The following LPA variants were observed in gnomAD, a reference collection of about 807,000 sequenced individuals.
The protein encoded by LPA is apolipoprotein(a).
Under a neutral mutation model 197.9 loss-of-function variants are expected in LPA, and 199 were observed. That is an observed-to-expected ratio of 1.01 (90% CI 0.90 to 1.13). The LOEUF (loss-of-function observed/expected upper bound fraction) is 1.13, where lower values mean the gene tolerates loss of function less well. Among genes scored for constraint, LPA ranks in the 50% most tolerant of loss-of-function variants. LPA has a pLI of 0.00. For synonymous variants in LPA, 715 were observed against 639.5 expected (o/e 1.12, Z -1.78); for missense variants, 1,853 against 1,785.8 (o/e 1.04, Z -0.68).
rs554367833 is a variant in LPA at position 160,634,815 on chromosome 6, C to T, written c.1075+308G>A. 6.0e-5 allele frequency among the ~76,000 whole-genome samples: 9 copies of T among 150,298 alleles called. 1 individual carries two copies. The highest frequency in any genetic ancestry group is 1.0e-4 in the Non-Finnish European group (7 of 68,034). ...TACTGCGACAGAAAGAATCACACAC[C>T]TGACAGCACGTTACAATAAAAATTT... On this transcript the variant is annotated intron_variant, in intron 7 of 38. Coordinates refer to ENST00000316300, the MANE Select transcript of LPA (RefSeq NM_005577.4).
At chr6:160,608,616 A>G (rs1779411723) in intron 16 of LPA, among the ~76,000 whole-genome samples, 1 of 152,088 alleles carries the variant, frequency 6.6e-6, no homozygotes, top group Non-Finnish European at 1.5e-5. Context: ...TATTTGATGC[A>G]TTGAATTTCG....
intron 34 of LPA, among the ~76,000 whole-genome samples, chr6:160,541,922 C>T (rs557690578): frequency 2.0e-5 from 3 of 152,136 alleles, no homozygotes; most frequent in African/African-American, 2.4e-5. Flanking sequence ...GAGTGAAATG[C>T]GATGCGATCA....
At chr6:160,647,035 A>C (rs1242917243) in intron 2 of LPA, among the ~76,000 whole-genome samples, 1 of 152,158 alleles carries the variant, frequency 6.6e-6, no homozygotes, top group Non-Finnish European at 1.5e-5. Flanking sequence ...TGTTTCTGCA[A>C]GACTTCTCAA....
chr6:160,626,247 T>C (rs1489590646), intron 10 of LPA, among the ~76,000 whole-genome samples: 1 of 139,414 alleles, frequency 7.2e-6, no homozygotes, highest in Admixed American at 6.8e-5. Flanking sequence ...CCATCCTTGA[T>C]TCTGGTATTT....
intron 8 of LPA, among the ~76,000 whole-genome samples, chr6:160,631,991 AGT>A (rs1554240938): frequency 8.2e-4 from 108 of 130,992 alleles, no homozygotes; most frequent in Non-Finnish European, 1.3e-3. Context: ...GTGTGTTTTC[AGT>A]GTGTGTGTGT....
intron 33 of LPA, among the ~76,000 whole-genome samples, chr6:160,544,726 G>A (rs1583568487): frequency 6.6e-6 from 1 of 152,310 alleles, no homozygotes; most frequent in East Asian, 1.9e-4. Context: ...CAGACAAGTT[G>A]ATTGGTCAGC....
Position 160,585,220 on chromosome 6 carries a change from G to A in LPA, c.4130-15C>T, listed in dbSNP as rs1168954772. The A allele has an allele frequency of 7.4e-6, 12 of 1,613,352 alleles. No individual in the cohort carries two copies. In the East Asian group the frequency reaches 2.5e-4, roughly 33 times the overall value. ...TTCAGTTGGTGCTGAAATTAAAAGAGAAAATCAAGCTCAGTATTGCCTAGA... is the reference window on the plus strand; with the variant it reads ...TTCAGTTGGTGCTGAAATTAAAAGAAAAAATCAAGCTCAGTATTGCCTAGA... On this transcript the variant is annotated splice_polypyrimidine_tract_variant and intron_variant, in intron 25 of 38. Transcript: ENST00000316300.
chr6:160,646,587 A>G (rs1384979475), intron 2 of LPA, among the ~76,000 whole-genome samples, 192 bp from the exon 3 acceptor site: 7 of 63,424 alleles, frequency 1.1e-4, no homozygotes, highest in African/African-American at 4.5e-4. Flanking sequence ...CTCATACTTA[A>G]TAGATTATTA....
rs142219342 is a variant in LPA at position 160,598,175 on chromosome 6, G to C, written c.3287+1325C>G. On this transcript the variant is annotated intron_variant, in intron 20 of 38. Coordinates refer to ENST00000316300, the MANE Select transcript of LPA (RefSeq NM_005577.4). ...CTCTGTCACCTTTATTAAGCTCACT[G>C]TTCCCTTGTAGTTGTTGTTCCTCAA... Among the ~76,000 whole-genome samples, 1,159 of 152,256 alleles carry C rather than the reference G, an allele frequency of 7.6e-3. 10 individuals are homozygous for C. Among genetic ancestry groups the C allele is most frequent in the Middle Eastern group, 0.051 (15 of 294 alleles).
At chr6:160,568,571 T>C (rs1446256363) in intron 28 of LPA, among the ~76,000 whole-genome samples, 2 of 152,174 alleles carry the variant, frequency 1.3e-5, no homozygotes, top group Non-Finnish European at 2.9e-5. Flanking sequence ...CTTTGAAAAC[T>C]GGCACAAGAC....
intron 37 of LPA, among the ~76,000 whole-genome samples, chr6:160,533,523 A>G (rs1192867956): frequency 2.6e-5 from 4 of 152,062 alleles, no homozygotes; most frequent in Non-Finnish European, 5.9e-5. Flanking sequence ...CTTGCTTCCA[A>G]CCTTCCACAT....
rs1264430786 is a variant in LPA at position 160,595,522 on chromosome 6, T to A, written c.3301A>T (p.Asn1101Tyr). The change falls in exon 21 of 39, where the codon AAC becomes TAC. Residue 1101 changes from asparagine to tyrosine, a missense_variant. By Grantham distance (143) the Asn-to-Tyr change is moderately radical (BLOSUM62 -2). Transcript: ENST00000316300. Reference sequence around the variant, plus strand: ...TCAGCATCTGGATTCCTGCAGTAGTTCCTGGTCAGGCCACTGCAAATTTCA... The same window carrying A: ...TCAGCATCTGGATTCCTGCAGTAGTACCTGGTCAGGCCACTGCAAATTTCA... ...ENYPNAGLTR[N>Y]YCRNPDAEIR... 6.2e-7 allele frequency: 1 copy of A among 1,613,970 alleles called. No individual in the cohort carries two copies.
chr6:160,546,194 C>T lies in LPA; in HGVS notation c.5305-661G>A, dbSNP rs143499186. Among the ~76,000 whole-genome samples, 6 of 152,252 alleles carry T rather than the reference C, an allele frequency of 3.9e-5. No individual in the cohort carries two copies. The East Asian group carries it at 1.2e-3, about 30-fold the overall frequency. On this transcript the variant is annotated intron_variant, in intron 32 of 38. Transcript: ENST00000316300. ...CTTGAGGGTTGGAACTGTTCAGCCCCACCCTCCAACCTCCAGGGAGGGAAG... is the reference window on the plus strand; with the variant it reads ...CTTGAGGGTTGGAACTGTTCAGCCCTACCCTCCAACCTCCAGGGAGGGAAG...
rs2115059381 is a variant in LPA at position 160,605,178 on chromosome 6, T to A, written c.2813A>T (p.Gln938Leu). ...CTGTCCATTTCCGTGGTAGCACTCCTGCACCCCAGGCCTTTGCTCAGTTGG... is the reference window on the plus strand; with the variant it reads ...CTGTCCATTTCCGTGGTAGCACTCCAGCACCCCAGGCCTTTGCTCAGTTGG... ...QAPTEQRPGVQECYHGNGQSY... is the reference protein window; with the variant it reads ...QAPTEQRPGVLECYHGNGQSY... Residue 938 changes from glutamine (Q) to leucine (L), a missense_variant, in exon 18 of 39, where the codon CAG (glutamine) becomes CTG (leucine). Transcript: ENST00000316300. 3.7e-6 allele frequency: 6 copies of A among 1,613,974 alleles called. No homozygotes were observed. In the South Asian group the frequency reaches 4.4e-5, roughly 12 times the overall value.
At chr6:160,586,361 G>A (rs1401415736) in intron 25 of LPA, 88 bp downstream of exon 25, 3 of 1,468,720 alleles carry the variant, frequency 2.0e-6, no homozygotes, top group East Asian at 4.6e-5. Context: ...TTCCTGTGCA[G>A]CATGGAAGTT....
intron 25 of LPA, 100 bp from the exon 26 acceptor site, chr6:160,585,305 T>A: frequency 9.0e-7 from 1 of 1,110,410 alleles, no homozygotes; most frequent in South Asian, 1.2e-5. Context: ...GATTAACAAT[T>A]TACACTCTTC....
chr6:160,578,793 T>C, intron 26 of LPA, 89 bp from the exon 27 acceptor site: 1 of 1,585,428 alleles, frequency 6.3e-7, no homozygotes, highest in Non-Finnish European at 8.6e-7. Flanking sequence ...TAACAAAGTG[T>C]TAACAAGTGC....
chr6:160,649,156 A>C (rs141277965), intron 2 of LPA, among the ~76,000 whole-genome samples: 1 of 152,196 alleles, frequency 6.6e-6, no homozygotes, highest in African/African-American at 2.4e-5. Context: ...GAATATACTA[A>C]TTCTACTCCT....
chr6:160,662,339 T>G (rs1337256353), intron 1 of LPA, among the ~76,000 whole-genome samples: 2 of 152,240 alleles, frequency 1.3e-5, no homozygotes, highest in Non-Finnish European at 2.9e-5. Context: ...GTATGCATAT[T>G]TGCATGTGTA....
Sources: allele counts gnomAD v4.1 joint callset (sites outside exome capture counted in the v4.1 genomes callset), GRCh38; gene constraint gnomAD v4.1.1; transcripts MANE v1.5; gene names NCBI Gene and HGNC (gene_info 2026-07-23, HGNC 2026-07-21).